The following MAD1L1 variants were observed in gnomAD, a reference collection of about 807,000 sequenced individuals.
The protein encoded by MAD1L1 is mitotic spindle assembly checkpoint protein MAD1.
MAD1L1 carries 95 observed loss-of-function variants against 96.9 expected under a neutral mutation model. The observed-to-expected ratio is 0.98, with a 90% CI of 0.83 to 1.16. The LOEUF (loss-of-function observed/expected upper bound fraction) is 1.16, where lower values mean the gene tolerates loss of function less well. Among genes scored for constraint, MAD1L1 ranks in the 50% most tolerant of loss-of-function variants. The probability of loss-of-function intolerance (pLI) is 0.00; values close to 1 mark genes in which losing one functional copy is unlikely to be tolerated. For missense variants in MAD1L1, 1,007 were observed against 954.4 expected, an observed-to-expected ratio of 1.06 and a Z score of -0.73; for synonymous variants, 473 against 396.6, an observed-to-expected ratio of 1.19 and a Z score of -2.29.
At chr7:1,835,094 G>A (rs184513373) in intron 18 of MAD1L1, among the ~76,000 whole-genome samples, 1 of 147,150 alleles carries the variant, frequency 6.8e-6, no homozygotes, top group East Asian at 2.0e-4. Flanking sequence ...AAAAGCATCT[G>A]ATCAAACCCA....
At chr7:1,912,712 G>A (rs1016856958) in intron 17 of MAD1L1, among the ~76,000 whole-genome samples, 2 of 152,170 alleles carry the variant, frequency 1.3e-5, no homozygotes, top group Admixed American at 6.5e-5. Context: ...AGCCCACCGC[G>A]CACGCACCTC....
chr7:2,192,553 C>T (rs970580634), intron 10 of MAD1L1, among the ~76,000 whole-genome samples: 11 of 152,196 alleles, frequency 7.2e-5, no homozygotes, highest in African/African-American at 2.7e-4. Flanking sequence ...AAACTATCAG[C>T]CACCTAAGCC....
intron 9 of MAD1L1, among the ~76,000 whole-genome samples, chr7:2,214,703 C>T (rs932780612): frequency 4.6e-5 from 7 of 152,212 alleles, no homozygotes; most frequent in African/African-American, 1.2e-4. Flanking sequence ...TGCTGTGCAC[C>T]GGGCAAGAGA....
chr7:2,134,414 C>T (rs1176970026), intron 11 of MAD1L1, among the ~76,000 whole-genome samples: 3 of 152,224 alleles, frequency 2.0e-5, no homozygotes, highest in Admixed American at 6.5e-5. Context: ...CATAGACGAT[C>T]ATGTCATCTG....
At chr7:2,213,088 T>C (rs1584564515) in intron 10 of MAD1L1, 124 bp downstream of exon 10, 1 of 973,590 alleles carries the variant, frequency 1.0e-6, no homozygotes. Context: ...CCAGGACAAA[T>C]GCCCCGCACC....
At chr7:2,120,305 C>T (rs960069128) in intron 11 of MAD1L1, among the ~76,000 whole-genome samples, 7 of 152,248 alleles carry the variant, frequency 4.6e-5, no homozygotes, top group African/African-American at 1.7e-4. Flanking sequence ...TAAAGTCTGA[C>T]CCAGCTCAAC....
At chr7:1,931,898 GC>G (rs1457540329) in intron 17 of MAD1L1, among the ~76,000 whole-genome samples, 1 of 152,222 alleles carries the variant, frequency 6.6e-6, no homozygotes, top group Non-Finnish European at 1.5e-5. Flanking sequence ...CTCTTTGCCA[GC>G]TGTCTACACA....
intron 3 of MAD1L1, among the ~76,000 whole-genome samples, chr7:2,228,027 G>A (rs926160187): frequency 1.9e-5 from 2 of 106,396 alleles, no homozygotes; most frequent in Non-Finnish European, 4.6e-5. Context: ...CTCAGCAGGA[G>A]AGAGAGAACC....
chr7:2,042,420 G>A (rs143049192), intron 12 of MAD1L1, among the ~76,000 whole-genome samples: 1 of 152,276 alleles, frequency 6.6e-6, no homozygotes, highest in Non-Finnish European at 1.5e-5. Context: ...TCACACTCCA[G>A]CCACCCCAGA....
At chr7:2,179,483 G>A (rs1234131386) in intron 10 of MAD1L1, among the ~76,000 whole-genome samples, 2 of 149,776 alleles carry the variant, frequency 1.3e-5, no homozygotes, top group Admixed American at 6.7e-5. Context: ...AGCCAAGATC[G>A]CGCCATTGCA....
intron 12 of MAD1L1, among the ~76,000 whole-genome samples, chr7:2,038,316 G>A (rs999027439): frequency 5.3e-5 from 8 of 152,082 alleles, no homozygotes; most frequent in African/African-American, 1.9e-4. Flanking sequence ...TTCTCCAGAA[G>A]ATCCAGCTAA....
chr7:2,043,800 T>G (rs1308037617), intron 12 of MAD1L1, among the ~76,000 whole-genome samples: 3 of 152,090 alleles, frequency 2.0e-5, no homozygotes, highest in African/African-American at 7.2e-5. Context: ...CATTCTCTCC[T>G]CCCAACACCC....
chr7:2,033,213 G>T (rs574226406), intron 12 of MAD1L1, among the ~76,000 whole-genome samples: 1 of 152,388 alleles, frequency 6.6e-6, no homozygotes, highest in South Asian at 2.1e-4. Flanking sequence ...CACAGAGACA[G>T]CCCGGGTGCT....
intron 14 of MAD1L1, among the ~76,000 whole-genome samples, chr7:1,995,052 A>T (rs1033065917): frequency 6.6e-6 from 1 of 152,232 alleles, no homozygotes; most frequent in Non-Finnish European, 1.5e-5. Context: ...ATGCGCAGCC[A>T]CAGGGTCTCT....
At chr7:2,081,732 G>A (rs551840644) in intron 11 of MAD1L1, among the ~76,000 whole-genome samples, 1 of 152,376 alleles carries the variant, frequency 6.6e-6, no homozygotes, top group South Asian at 2.1e-4. Flanking sequence ...CCCGGCGGAG[G>A]GGGCAGGAGC....
chr7:2,220,640 C>T (rs1374995308), intron 5 of MAD1L1, among the ~76,000 whole-genome samples: 1 of 152,226 alleles, frequency 6.6e-6, no homozygotes, highest in Non-Finnish European at 1.5e-5. Flanking sequence ...GCACTCATTT[C>T]CCTGTCCCTG....
At chr7:2,184,265 A>T (rs891108972) in intron 10 of MAD1L1, among the ~76,000 whole-genome samples, 1 of 152,090 alleles carries the variant, frequency 6.6e-6, no homozygotes, top group African/African-American at 2.4e-5. Context: ...TAAAAATTTT[A>T]AAATAAAAAA....
intron 17 of MAD1L1, among the ~76,000 whole-genome samples, chr7:1,910,723 C>T (rs148520124): frequency 6.6e-6 from 1 of 152,220 alleles, no homozygotes; most frequent in Admixed American, 6.5e-5. Flanking sequence ...AGAGCCTGCT[C>T]GGGCTTTGAG....
At chr7:2,018,368 C>T (rs751764157) in intron 12 of MAD1L1, among the ~76,000 whole-genome samples, 5 of 152,210 alleles carry the variant, frequency 3.3e-5, no homozygotes, top group Admixed American at 6.5e-5. Context: ...GATGAATGCA[C>T]GGCAGCCACG....
Sources: gnomAD v4.1 joint callset for allele counts (sites outside exome capture counted in the v4.1 genomes callset) on GRCh38, gnomAD v4.1.1 for gene constraint, MANE v1.5 for transcripts, NCBI Gene and HGNC (gene_info 2026-07-23, HGNC 2026-07-21) for gene names.